Variants in SUGCT observed in about 807,000 individuals in gnomAD.
SUGCT encodes succinyl-CoA:glutarate-CoA transferase.
A neutral mutation model predicts 55.0 loss-of-function variants in SUGCT; 41 were observed. That is an observed-to-expected ratio of 0.74 (90% CI 0.58 to 0.97). The LOEUF (loss-of-function observed/expected upper bound fraction) is 0.97, where lower values mean the gene tolerates loss of function less well. Among genes scored for constraint, SUGCT ranks in the 50% least tolerant of loss-of-function variants. SUGCT has a pLI of 0.00. For missense variants in SUGCT, 568 were observed against 547.8 expected, an observed-to-expected ratio of 1.04 and a Z score of -0.37; for synonymous variants, 187 against 200.4, an observed-to-expected ratio of 0.93 and a Z score of 0.56.
chr7:40,893,483 C>A, the SUGCT span, among the ~76,000 whole-genome samples: 1 of 152,022 alleles, frequency 6.6e-6, no homozygotes, highest in African/African-American at 2.4e-5. Context: ...AAAACCATTC[C>A]AAGTATCTTT....
intron 12 of SUGCT, among the ~76,000 whole-genome samples, chr7:40,513,400 A>G (rs1420595760): frequency 6.6e-6 from 1 of 152,182 alleles, no homozygotes. Flanking sequence ...ATATTGAACT[A>G]CAACTGGGCT....
At chr7:40,848,969 G>T (rs1327158162) in intron 13 of SUGCT, among the ~76,000 whole-genome samples, 3 of 152,100 alleles carry the variant, frequency 2.0e-5, no homozygotes, top group Non-Finnish European at 2.9e-5. Context: ...TTGTTATGAT[G>T]ATGAGTTCAA....
At chr7:41,003,227 A>C in the SUGCT span, among the ~76,000 whole-genome samples, 1 of 152,104 alleles carries the variant, frequency 6.6e-6, no homozygotes, top group Non-Finnish European at 1.5e-5. Flanking sequence ...TTGCCATGGG[A>C]GACCACTAGG....
chr7:40,322,043 C>G (rs181616408), intron 9 of SUGCT, among the ~76,000 whole-genome samples: 2 of 152,148 alleles, frequency 1.3e-5, no homozygotes, highest in Non-Finnish European at 2.9e-5. Flanking sequence ...AATTTACATT[C>G]ACACCAACAG....
the SUGCT span, among the ~76,000 whole-genome samples, chr7:40,987,675 A>T: frequency 3.3e-5 from 5 of 152,206 alleles, no homozygotes; most frequent in Non-Finnish European, 7.3e-5. Context: ...AGGAGGCAGA[A>T]ACCATCCAAC....
chr7:40,824,538 G>A (rs906517000), intron 13 of SUGCT, among the ~76,000 whole-genome samples: 3 of 152,142 alleles, frequency 2.0e-5, no homozygotes, highest in South Asian at 2.1e-4. Context: ...GTATGCATTC[G>A]TTGGGGTACA....
intron 12 of SUGCT, among the ~76,000 whole-genome samples, chr7:40,691,653 A>G (rs1338459442): frequency 6.6e-6 from 1 of 152,230 alleles, no homozygotes; most frequent in Non-Finnish European, 1.5e-5. Context: ...TCTTCATACT[A>G]GAAACTTTTT....
the SUGCT span, among the ~76,000 whole-genome samples, chr7:40,977,868 G>T: frequency 1.3e-5 from 2 of 152,160 alleles, no homozygotes; most frequent in Non-Finnish European, 2.9e-5. Flanking sequence ...CCTGCCAGGA[G>T]ATTCTAGTCT....
At chr7:40,185,671 T>C (rs1043988123) in intron 3 of SUGCT, among the ~76,000 whole-genome samples, 1 of 152,290 alleles carries the variant, frequency 6.6e-6, no homozygotes, top group South Asian at 2.1e-4. Flanking sequence ...TACAGGCATA[T>C]GCCATCACCC....
At chr7:40,978,568 A>G in the SUGCT span, among the ~76,000 whole-genome samples, 13 of 152,202 alleles carry the variant, frequency 8.5e-5, no homozygotes, top group African/African-American at 2.9e-4. Flanking sequence ...TTCATAATGT[A>G]TGAGGGCTGA....
At chr7:40,390,099 A>C (rs936863864) in intron 9 of SUGCT, among the ~76,000 whole-genome samples, 1 of 152,236 alleles carries the variant, frequency 6.6e-6, no homozygotes, top group Non-Finnish European at 1.5e-5. Context: ...TCATGCTAAA[A>C]ACTCTCAATA....
At chr7:40,442,127 T>C (rs1221691032) in intron 9 of SUGCT, among the ~76,000 whole-genome samples, 4 of 152,146 alleles carry the variant, frequency 2.6e-5, no homozygotes, top group Non-Finnish European at 4.4e-5. Flanking sequence ...TAAATCCTTA[T>C]AGAAAGGTAA....
At chr7:40,197,568 C>T (rs944481781) in intron 6 of SUGCT, among the ~76,000 whole-genome samples, 3 of 152,138 alleles carry the variant, frequency 2.0e-5, no homozygotes, top group African/African-American at 7.2e-5. Context: ...GGATCAGTGG[C>T]CACCAAATGC....
chr7:40,597,659 C>A (rs1798082124), intron 12 of SUGCT, among the ~76,000 whole-genome samples: 1 of 152,108 alleles, frequency 6.6e-6, no homozygotes, highest in Non-Finnish European at 1.5e-5. Context: ...CTGCCTGAGA[C>A]CTTGAAGAGC....
chr7:40,959,851 GA>G, the SUGCT span, among the ~76,000 whole-genome samples: 1 of 152,188 alleles, frequency 6.6e-6, no homozygotes. Context: ...AAGACAGTGG[GA>G]AAAGCATAGT....
At chr7:40,476,162 T>C (rs75659461) in intron 11 of SUGCT, among the ~76,000 whole-genome samples, 2,847 of 152,282 alleles carry the variant, frequency 0.019, 88 homozygotes, top group African/African-American at 0.065. Flanking sequence ...GAATTAAATG[T>C]CTATGTCTAT....
chr7:40,641,834 T>A (rs1226209182), intron 12 of SUGCT, among the ~76,000 whole-genome samples: 2 of 152,240 alleles, frequency 1.3e-5, no homozygotes, highest in Non-Finnish European at 2.9e-5. Context: ...TTCACATCCA[T>A]GTCAATATCA....
intron 8 of SUGCT, among the ~76,000 whole-genome samples, chr7:40,277,977 T>A (rs1792649640): frequency 6.6e-6 from 1 of 152,036 alleles, no homozygotes; most frequent in Admixed American, 6.6e-5. Flanking sequence ...CTGAGAATGA[T>A]GATTTCCAGC....
intron 9 of SUGCT, among the ~76,000 whole-genome samples, chr7:40,423,079 A>G (rs1256123383): frequency 2.6e-5 from 4 of 152,156 alleles, no homozygotes; most frequent in East Asian, 1.9e-4. Flanking sequence ...GAGAGGTTAA[A>G]TAGCTTGCCT....
Sources: allele counts gnomAD v4.1 joint callset (sites outside exome capture counted in the v4.1 genomes callset), GRCh38; gene constraint gnomAD v4.1.1; transcripts MANE v1.5; gene names NCBI Gene and HGNC (gene_info 2026-07-23, HGNC 2026-07-21).